AGBL1: variants seen among roughly 807,000 people sequenced by gnomAD.
AGBL1 encodes the protein cytosolic carboxypeptidase 4.
A neutral mutation model predicts 118.9 loss-of-function variants in AGBL1; 130 were observed. The ratio of observed to expected loss-of-function variants is 1.09; its 90% CI spans 0.95 to 1.26. The LOEUF is 1.26. AGBL1 is among the 50% of genes most tolerant of loss of function. AGBL1 has a pLI of 0.00. For synonymous variants in AGBL1, 555 were observed against 478.9 expected (o/e 1.16, Z -2.08); for missense variants, 1,584 against 1,298.1 (o/e 1.22, Z -3.38).
chr15:86,470,796 G>A (rs1247247935), intron 18 of AGBL1, among the ~76,000 whole-genome samples: 1 of 151,920 alleles, frequency 6.6e-6, no homozygotes, highest in Non-Finnish European at 1.5e-5. Context: ...TATTGTAAAT[G>A]GGATTGTTTG....
At chr15:86,517,845 G>C (rs146306642) in intron 18 of AGBL1, among the ~76,000 whole-genome samples, 1 of 152,190 alleles carries the variant, frequency 6.6e-6, no homozygotes, top group African/African-American at 2.4e-5. Context: ...GGAAAGCTCT[G>C]GGTGCAGTGT....
In AGBL1 at chr15:86,967,523, C is replaced by A. The variant is rs540769002; in HGVS notation, c.3222-20464C>A. Among the ~76,000 whole-genome samples the A allele has an allele frequency of 7.9e-5, 12 of 152,184 alleles. 1 individual carries two copies. The South Asian group carries it at 2.5e-3, about 32-fold the overall frequency. ...TTGTATAAGGTGTAAGGAAGGGATC[C>A]AGTTTCAGCTTTCTACATATGGCTA... is the stretch of plus-strand genomic sequence containing the variant. On this transcript the variant is annotated intron_variant, in intron 23 of 24. Transcript: ENST00000441037.
At chr15:86,939,013 C>T (rs973311992) in intron 23 of AGBL1, 2 of 152,318 alleles carry the variant, frequency 1.3e-5, no homozygotes, top group Non-Finnish European at 2.9e-5. Flanking sequence ...ACATCCTTCA[C>T]ATCTTTTTCC....
chr15:86,201,325 T>C (rs1193696153), intron 5 of AGBL1, among the ~76,000 whole-genome samples: 1 of 152,194 alleles, frequency 6.6e-6, no homozygotes, highest in Non-Finnish European at 1.5e-5. Context: ...AGAAGTTTCT[T>C]GCAGTTTCAT....
chr15:86,988,527 T>C (rs988980675), intron 24 of AGBL1: 1 of 152,542 alleles, frequency 6.6e-6, no homozygotes, highest in African/African-American at 2.4e-5. Flanking sequence ...TTGAGAAGTA[T>C]ATTTTTATAA....
Position 86,266,460 on chromosome 15 carries a change from A to T in AGBL1, c.1751+3A>T. On this transcript the variant is annotated splice_donor_region_variant and intron_variant, in intron 12 of 22. Transcript: ENST00000614907. Reference sequence around the variant, plus strand: ...GTCTTCAGTTTAGATGAGCCTTGGTAGGTAGTCTCGTGCATCTGAGGAAGG... The same window carrying T: ...GTCTTCAGTTTAGATGAGCCTTGGTTGGTAGTCTCGTGCATCTGAGGAAGG... 1.3e-6 allele frequency: 2 copies of T among 1,558,918 alleles called. No individual in the cohort carries two copies. Among genetic ancestry groups the T allele is most frequent in the Non-Finnish European group, 8.7e-7 (1 of 1,148,686 alleles).
intron 21 of AGBL1, among the ~76,000 whole-genome samples, chr15:86,558,183 G>A (rs62015299): frequency 0.01 from 1,586 of 152,214 alleles, 13 homozygotes; most frequent in Middle Eastern, 0.048. Flanking sequence ...ATCCATATAC[G>A]TAGTAGATGC....
intron 23 of AGBL1, among the ~76,000 whole-genome samples, chr15:86,981,942 C>G (rs1190532381): frequency 6.6e-6 from 1 of 152,140 alleles, no homozygotes; most frequent in Non-Finnish European, 1.5e-5. Context: ...TCTTAATTTT[C>G]TTTATTTGTT....
At chr15:86,905,347 G>A (rs150545430) in intron 22 of AGBL1, among the ~76,000 whole-genome samples, 1 of 152,140 alleles carries the variant, frequency 6.6e-6, no homozygotes, top group Non-Finnish European at 1.5e-5. Flanking sequence ...TACTCACATT[G>A]CACTAATAGG....
At chr15:86,324,107 C>A (rs1485060221) in intron 17 of AGBL1, among the ~76,000 whole-genome samples, 3 of 152,112 alleles carry the variant, frequency 2.0e-5, no homozygotes, top group Non-Finnish European at 4.4e-5. Context: ...TTAAAAATTA[C>A]TTTAATTTAG....
intron 17 of AGBL1, among the ~76,000 whole-genome samples, chr15:86,341,387 G>GGAC (rs1555469221): frequency 4.6e-5 from 7 of 151,830 alleles, no homozygotes; most frequent in South Asian, 2.1e-4. Flanking sequence ...GGCAAAACAA[G>GGAC]AACAACCAAC....
intron 22 of AGBL1, among the ~76,000 whole-genome samples, chr15:86,708,288 C>T (rs988509799): frequency 1.3e-5 from 2 of 152,016 alleles, no homozygotes; most frequent in Non-Finnish European, 2.9e-5. Context: ...GGGTTCTGAT[C>T]TCATAAGGTT....
chr15:86,966,739 G>T (rs1317686892), intron 23 of AGBL1, among the ~76,000 whole-genome samples: 3 of 151,868 alleles, frequency 2.0e-5, no homozygotes, highest in African/African-American at 7.2e-5. Context: ...TGGACATTTG[G>T]CTTGGTTCCA....
chr15:86,722,871 G>C (rs1050753367), intron 22 of AGBL1, among the ~76,000 whole-genome samples: 5 of 152,258 alleles, frequency 3.3e-5, no homozygotes, highest in African/African-American at 1.2e-4. Flanking sequence ...CTCAAAAGAA[G>C]ACATTTATGC....
At chr15:86,968,995 T>C (rs1222641304) in intron 23 of AGBL1, among the ~76,000 whole-genome samples, 2 of 151,906 alleles carry the variant, frequency 1.3e-5, no homozygotes, top group Non-Finnish European at 2.9e-5. Flanking sequence ...ATACCATCAC[T>C]TTAGGGTTAG....
intron 5 of AGBL1, among the ~76,000 whole-genome samples, chr15:86,189,363 T>G (rs1221712084): frequency 1.3e-5 from 2 of 152,160 alleles, no homozygotes; most frequent in Non-Finnish European, 2.9e-5. Context: ...ATCCTACATA[T>G]CTAAAAGCCT....
intron 17 of AGBL1, among the ~76,000 whole-genome samples, chr15:86,329,713 G>A (rs2080241276): frequency 1.3e-5 from 2 of 151,604 alleles, no homozygotes; most frequent in South Asian, 4.2e-4. Flanking sequence ...CAGATTGGCA[G>A]CCTGAGCTGC....
chr15:86,112,765 C>A (rs1897475273), intron 1 of AGBL1, among the ~76,000 whole-genome samples: 1 of 152,202 alleles, frequency 6.6e-6, no homozygotes, highest in Non-Finnish European at 1.5e-5. Context: ...GGATTTTTAT[C>A]AGGCTTTTAA....
In AGBL1 at chr15:86,704,168, T is replaced by C. The variant is rs142637271; in HGVS notation, c.3158+29732T>C. ...GATGCATAAAGACTTAAATGTAAAA[T>C]CCCAAACCATAAAAACCCTAGAAGA... On this transcript the variant is annotated intron_variant, in intron 22 of 22. Transcript: ENST00000614907. Among the ~76,000 whole-genome samples, 254 of 151,970 alleles carry C rather than the reference T, an allele frequency of 1.7e-3. 3 individuals are homozygous for C. In the East Asian group the frequency reaches 0.02, roughly 12 times the overall value.
Sources: allele counts gnomAD v4.1 joint callset (sites outside exome capture counted in the v4.1 genomes callset), GRCh38; gene constraint gnomAD v4.1.1; transcripts MANE v1.5; gene names NCBI Gene and HGNC (gene_info 2026-07-23, HGNC 2026-07-21).